SLC1A1: variants seen among roughly 807,000 people sequenced by gnomAD.
SLC1A1 encodes excitatory amino acid transporter 3.
Under a neutral mutation model 53.3 loss-of-function variants are expected in SLC1A1, and 43 were observed. That is an observed-to-expected ratio of 0.81 (90% CI 0.63 to 1.04). The LOEUF is 1.04. Among genes scored for constraint, SLC1A1 ranks in the 50% least tolerant of loss-of-function variants. The pLI is 0.00. For missense variants in SLC1A1, 748 were observed against 664.9 expected, an observed-to-expected ratio of 1.12 and a Z score of -1.37; for synonymous variants, 307 against 243.2, an observed-to-expected ratio of 1.26 and a Z score of -2.44.
chr9:4,568,798 T>A (rs1226948317), intron 6 of SLC1A1, among the ~76,000 whole-genome samples: 1 of 152,102 alleles, frequency 6.6e-6, no homozygotes, highest in Non-Finnish European at 1.5e-5. Context: ...GGAGAAAATT[T>A]GTGCTTTAGA....
At chr9:4,507,509 G>C (rs1820845118) in intron 1 of SLC1A1, among the ~76,000 whole-genome samples, 1 of 152,150 alleles carries the variant, frequency 6.6e-6, no homozygotes. Flanking sequence ...CTCACTTAAA[G>C]ATAAAAGTAA....
chr9:4,582,050 G>C (rs1220453831), intron 10 of SLC1A1, among the ~76,000 whole-genome samples: 1 of 152,170 alleles, frequency 6.6e-6, no homozygotes, highest in East Asian at 1.9e-4. Context: ...TCAGGCCTTG[G>C]CCCAAGGGCA....
chr9:4,567,892 T>G lies in SLC1A1; in HGVS notation c.582+125T>G, dbSNP rs967604489. ...TTGCAAATTCACCTACTTGCTAAAA[T>G]TTATGTGTGACCCCAAAATCCATAC... On this transcript the variant is annotated intron_variant, in intron 6 of 11. Transcript: ENST00000262352. 3 of 733,742 alleles carry G rather than the reference T, an allele frequency of 4.1e-6. No homozygotes were observed. In the African/African-American group the frequency reaches 5.2e-5, roughly 13 times the overall value. 45.5% of individuals were successfully genotyped at this position (733,742 alleles called of 1,614,324 possible).
intron 1 of SLC1A1, among the ~76,000 whole-genome samples, chr9:4,508,297 C>G (rs990594126): frequency 6.6e-6 from 1 of 152,118 alleles, no homozygotes; most frequent in Admixed American, 6.5e-5. Flanking sequence ...ATATGTATCT[C>G]GGGAAATAAT....
chr9:4,559,926 T>C (rs1340860808), intron 2 of SLC1A1: 1 of 152,166 alleles, frequency 6.6e-6, no homozygotes, highest in Non-Finnish European at 1.5e-5. Context: ...GCATCTTTGA[T>C]AGAGAGCAAA....
intron 1 of SLC1A1, among the ~76,000 whole-genome samples, chr9:4,518,234 CAAAAAAAAAAAAAA>C (rs34559140): frequency 5.0e-5 from 3 of 60,432 alleles, no homozygotes; most frequent in East Asian, 1.2e-3. Context: ...TATTCCACCT[CAAAAAAAAAAAAAA>C]AAAAAAAAAA....
At chr9:4,582,642 T>C (rs1821203289) in intron 10 of SLC1A1, among the ~76,000 whole-genome samples, 2 of 152,166 alleles carry the variant, frequency 1.3e-5, no homozygotes, top group Non-Finnish European at 2.9e-5. Flanking sequence ...GGTGCAGAGG[T>C]ACCTGGCACT....
chr9:4,573,834 T>G (rs1820294277), intron 7 of SLC1A1, 73 bp from the exon 8 acceptor site: 2 of 1,034,122 alleles, frequency 1.9e-6, no homozygotes, highest in South Asian at 2.5e-5. Context: ...CACTGGAGTG[T>G]TCCTTCCCCA....
chr9:4,585,562 C>G lies in SLC1A1; in HGVS notation c.*4C>G. Reference sequence around the variant, plus strand: ...CACCCAGACCTCACAGTTCTAGGGCCCCTGGCTGCAGATGACTGGAAACAA... The same window carrying G: ...CACCCAGACCTCACAGTTCTAGGGCGCCTGGCTGCAGATGACTGGAAACAA... On this transcript the variant is annotated 3_prime_UTR_variant, in exon 12 of 12. Coordinates refer to ENST00000262352, the MANE Select transcript of SLC1A1 (RefSeq NM_004170.6). The G allele has an allele frequency of 6.2e-7, 1 of 1,614,184 alleles. No homozygotes were observed. The highest frequency in any genetic ancestry group is 8.5e-7 in the Non-Finnish European group (1 of 1,180,022).
At chr9:4,510,217 T>G (rs552850744) in intron 1 of SLC1A1, among the ~76,000 whole-genome samples, 11 of 152,332 alleles carry the variant, frequency 7.2e-5, no homozygotes, top group African/African-American at 2.2e-4. Flanking sequence ...TTCCACAGCC[T>G]CTAGCTATAT....
At chr9:4,501,255 C>A (rs1419212975) in intron 1 of SLC1A1, among the ~76,000 whole-genome samples, 2 of 148,150 alleles carry the variant, frequency 1.3e-5, no homozygotes, top group African/African-American at 2.5e-5. Flanking sequence ...GTGATCTCGG[C>A]AACTGCAACC....
intron 1 of SLC1A1, among the ~76,000 whole-genome samples, chr9:4,512,610 TTATTTCAATATGGTTTTCAAGA>T (rs1270048761): frequency 6.6e-6 from 1 of 152,198 alleles, no homozygotes; most frequent in Non-Finnish European, 1.5e-5. Flanking sequence ...TCATCCTATC[TTATTTCAATATGGTTTTCAAGA>T]TATCAAGTGT....
At chr9:4,578,969 T>C (rs1820813144) in intron 10 of SLC1A1, among the ~76,000 whole-genome samples, 1 of 152,246 alleles carries the variant, frequency 6.6e-6, no homozygotes, top group African/African-American at 2.4e-5. Flanking sequence ...AATTCATTCT[T>C]GTGTCCCAGC....
At chr9:4,491,046 A>C (rs1820217761) in intron 1 of SLC1A1, among the ~76,000 whole-genome samples, 1 of 152,188 alleles carries the variant, frequency 6.6e-6, no homozygotes, top group Non-Finnish European at 1.5e-5. Flanking sequence ...TGGGGGTAGA[A>C]AGGGAAGCAA....
intron 10 of SLC1A1, among the ~76,000 whole-genome samples, chr9:4,579,295 C>T (rs1164865416): frequency 1.3e-5 from 2 of 152,372 alleles, no homozygotes; most frequent in East Asian, 1.9e-4. Context: ...CACCCCTGTG[C>T]TTCCAACAGT....
At chr9:4,532,634 A>T (rs1816517660) in intron 1 of SLC1A1, among the ~76,000 whole-genome samples, 1 of 152,204 alleles carries the variant, frequency 6.6e-6, no homozygotes, top group Admixed American at 6.5e-5. Flanking sequence ...GTTGGAAAAC[A>T]CTCTGCAGAA....
Position 4,490,557 on chromosome 9 carries a change from G to A in SLC1A1, c.-123G>A, listed in dbSNP as rs961541827. On this transcript the variant is annotated 5_prime_UTR_variant, in exon 1 of 12. Coordinates refer to ENST00000262352, the MANE Select transcript of SLC1A1 (RefSeq NM_004170.6). ...CGGTGGTGACGGCGGCGACTGCAGC[G>A]GCCGGCTCTCACCTCTCCCCTGTGC... 2.4e-5 allele frequency: 15 copies of A among 626,238 alleles called. No homozygotes were observed. The highest frequency in any genetic ancestry group is 3.6e-5 in the East Asian group (1 of 27,884). The allele number at this position is 626,238 out of a possible 1,614,324, so 38.8% of individuals were successfully genotyped here.
At chr9:4,581,116 T>C (rs1394801478) in intron 10 of SLC1A1, among the ~76,000 whole-genome samples, 1 of 152,138 alleles carries the variant, frequency 6.6e-6, no homozygotes, top group African/African-American at 2.4e-5. Context: ...TTCAGAGAAG[T>C]AACTTGCCTG....
At chr9:4,543,173 T>G (rs1817163754) in intron 1 of SLC1A1, among the ~76,000 whole-genome samples, 1 of 152,252 alleles carries the variant, frequency 6.6e-6, no homozygotes. Flanking sequence ...TCACATATTC[T>G]TTCATTGCCC....
Sources: gnomAD v4.1 joint callset for allele counts (sites outside exome capture counted in the v4.1 genomes callset) on GRCh38, gnomAD v4.1.1 for gene constraint, MANE v1.5 for transcripts, NCBI Gene and HGNC (gene_info 2026-07-23, HGNC 2026-07-21) for gene names.